SLC9A9: variants seen among roughly 807,000 people sequenced by gnomAD.
SLC9A9 encodes solute carrier family 9 member A9, also known as sodium/hydrogen exchanger 9.
SLC9A9 carries 62 observed loss-of-function variants against 77.8 expected under a neutral mutation model. That is an observed-to-expected ratio of 0.80 (90% CI 0.65 to 0.98). The LOEUF is 0.98. SLC9A9 is among the 50% of genes least tolerant of loss of function. The pLI is 0.00. For synonymous variants in SLC9A9, 320 were observed against 283.5 expected (o/e 1.13, Z -1.29); for missense variants, 775 against 774.9 (o/e 1.00, Z 0.00).
intron 4 of SLC9A9, among the ~76,000 whole-genome samples, chr3:143,697,689 TACACAC>T (rs144005213): frequency 8.1e-4 from 120 of 148,698 alleles, no homozygotes; most frequent in African/African-American, 1.7e-3. Context: ...TGTGTGTGAG[TACACAC>T]ACACACACAC....
At chr3:143,602,256 C>T (rs1419366693) in intron 6 of SLC9A9, among the ~76,000 whole-genome samples, 2 of 152,336 alleles carry the variant, frequency 1.3e-5, no homozygotes, top group East Asian at 1.9e-4. Flanking sequence ...ACCAGCAGCA[C>T]GTAGCCCAGT....
chr3:143,460,214 C>T (rs552627576), intron 12 of SLC9A9, among the ~76,000 whole-genome samples: 21 of 152,268 alleles, frequency 1.4e-4, no homozygotes, highest in South Asian at 1.0e-3. Context: ...TTCAATAGTA[C>T]TCTGAATTCT....
At chr3:143,596,305 T>C (rs2037751350) in intron 6 of SLC9A9, among the ~76,000 whole-genome samples, 1 of 152,226 alleles carries the variant, frequency 6.6e-6, no homozygotes, top group Non-Finnish European at 1.5e-5. Context: ...TGTGTATGTG[T>C]GCGTGCACAA....
chr3:143,842,216 T>C (rs956493823), intron 1 of SLC9A9, among the ~76,000 whole-genome samples: 3 of 152,050 alleles, frequency 2.0e-5, no homozygotes, highest in Admixed American at 6.5e-5. Context: ...CCATCTCTAC[T>C]AAAAACACAA....
At chr3:143,589,342 T>C (rs2037610282) in intron 6 of SLC9A9, among the ~76,000 whole-genome samples, 1 of 152,126 alleles carries the variant, frequency 6.6e-6, no homozygotes. Flanking sequence ...CTTCCAATTA[T>C]CTAACAAAAA....
intron 14 of SLC9A9, among the ~76,000 whole-genome samples, chr3:143,326,541 C>A (rs2031608586): frequency 6.6e-6 from 1 of 152,142 alleles, no homozygotes; most frequent in Admixed American, 6.5e-5. Context: ...CCCCCTCCCC[C>A]CAGGCCTTTG....
intron 2 of SLC9A9, among the ~76,000 whole-genome samples, chr3:143,821,699 G>A (rs2009169945): frequency 6.6e-6 from 1 of 152,180 alleles, no homozygotes; most frequent in South Asian, 2.1e-4. Context: ...GCCAATTTCT[G>A]TGGTATAAAT....
At chr3:143,731,038 C>A (rs981475643) in intron 4 of SLC9A9, among the ~76,000 whole-genome samples, 3 of 152,118 alleles carry the variant, frequency 2.0e-5, no homozygotes, top group Non-Finnish European at 2.9e-5. Flanking sequence ...CACAGAGACA[C>A]AAGAGCCTCC....
At chr3:143,571,781 A>G (rs2037261795) in intron 8 of SLC9A9, among the ~76,000 whole-genome samples, 1 of 152,176 alleles carries the variant, frequency 6.6e-6, no homozygotes, top group Non-Finnish European at 1.5e-5. Flanking sequence ...AGAGCACTTG[A>G]GTGTTTACCC....
intron 11 of SLC9A9, among the ~76,000 whole-genome samples, chr3:143,484,045 G>A (rs937102692): frequency 7.9e-5 from 12 of 152,126 alleles, no homozygotes; most frequent in African/African-American, 2.7e-4. Context: ...TAGACTGAGT[G>A]TCATTGTTTA....
At chr3:143,321,221 C>G (rs1382335340) in intron 14 of SLC9A9, among the ~76,000 whole-genome samples, 2 of 152,214 alleles carry the variant, frequency 1.3e-5, no homozygotes, top group African/African-American at 4.8e-5. Flanking sequence ...ACAAGAAACC[C>G]TTTGGGGAAT....
chr3:143,276,476 A>T (rs1938051529), intron 14 of SLC9A9, among the ~76,000 whole-genome samples: 1 of 152,148 alleles, frequency 6.6e-6, no homozygotes, highest in Non-Finnish European at 1.5e-5. Context: ...ATTTGGAGGG[A>T]TTGAAAGATT....
intron 9 of SLC9A9, among the ~76,000 whole-genome samples, chr3:143,512,259 G>A (rs902845693): frequency 1.3e-5 from 2 of 152,170 alleles, no homozygotes; most frequent in Non-Finnish European, 2.9e-5. Flanking sequence ...AACTTTATAG[G>A]ATCTAAAACG....
At chr3:143,420,255 TA>T (rs2034271958) in intron 12 of SLC9A9, among the ~76,000 whole-genome samples, 1 of 152,142 alleles carries the variant, frequency 6.6e-6, no homozygotes, top group African/African-American at 2.4e-5. Context: ...ATGAAGAAAG[TA>T]ATATCTTTCT....
chr3:143,627,537 G>A (rs767065045), intron 6 of SLC9A9: 12 of 297,462 alleles, frequency 4.0e-5, no homozygotes, highest in East Asian at 9.4e-5. Flanking sequence ...GCGGTGACTC[G>A]CAGCAGAAGG....
chr3:143,816,420 A>G (rs771321979), intron 2 of SLC9A9, among the ~76,000 whole-genome samples: 7 of 152,082 alleles, frequency 4.6e-5, no homozygotes, highest in Non-Finnish European at 7.4e-5. Flanking sequence ...TATCCTAAAT[A>G]CCGTTTTACG....
chr3:143,679,469 G>A (rs1162433380), intron 5 of SLC9A9, among the ~76,000 whole-genome samples: 1 of 152,158 alleles, frequency 6.6e-6, no homozygotes, highest in Non-Finnish European at 1.5e-5. Context: ...TGATATTTTA[G>A]ACCAGACAAT....
intron 11 of SLC9A9, among the ~76,000 whole-genome samples, chr3:143,490,109 G>A (rs1009742181): frequency 2.0e-5 from 3 of 152,074 alleles, no homozygotes; most frequent in African/African-American, 7.2e-5. Context: ...AACACAGTAT[G>A]GCAGCTTCTC....
At chr3:143,363,652 T>G in intron 13 of SLC9A9, 89 bp from the exon 14 acceptor site, 1 of 1,214,070 alleles carries the variant, frequency 8.2e-7, no homozygotes, top group Non-Finnish European at 1.2e-6. Context: ...TAAATTTAAC[T>G]ACATTTAAAA....
Sources: allele counts gnomAD v4.1 joint callset (sites outside exome capture counted in the v4.1 genomes callset), GRCh38; gene constraint gnomAD v4.1.1; transcripts MANE v1.5; gene names NCBI Gene and HGNC (gene_info 2026-07-23, HGNC 2026-07-21).